EMC8: variants seen among roughly 807,000 people sequenced by gnomAD.
EMC8 encodes the protein ER membrane protein complex subunit 8, also known as COX4 neighbor.
EMC8 carries 11 observed loss-of-function variants against 24.3 expected under a neutral mutation model. The observed-to-expected ratio is 0.45, with a 90% CI of 0.28 to 0.75. The LOEUF (loss-of-function observed/expected upper bound fraction) is 0.75. Among genes scored for constraint, EMC8 ranks in the 30% least tolerant of loss-of-function variants. EMC8 has a pLI of 0.12. For missense variants in EMC8, 277 were observed against 282.7 expected (o/e 0.98, Z 0.14); for synonymous variants, 145 against 117.7 (o/e 1.23, Z -1.50).
intron 3 of EMC8, 92 bp downstream of exon 3, chr16:85,781,119 G>C (rs563235851): frequency 1.2e-6 from 1 of 839,834 alleles, no homozygotes; most frequent in East Asian, 2.5e-5. Context: ...ATGAGTGAAG[G>C]GGTTAGCGGA....
In EMC8 at chr16:85,780,268, T is replaced by G. The variant is rs1904425881; in HGVS notation, c.473+111A>C. 1.2e-5 allele frequency: 9 copies of G among 773,922 alleles called. 1 individual carries two copies. The highest frequency in any genetic ancestry group is 2.0e-5 in the Non-Finnish European group (9 of 452,634). 47.9% of individuals were successfully genotyped at this position (773,922 alleles called of 1,614,324 possible). On this transcript the variant is annotated intron_variant, in intron 4 of 4. Transcript: ENST00000253457. ...CAGGAGCCGGGGAATATGCTTGGTA[T>G]CATGCTTCTGGAGAAAACGCTAACT...
chr16:85,780,846 A>G, intron 3 of EMC8: 1 of 439,348 alleles, frequency 2.3e-6, no homozygotes, highest in South Asian at 2.5e-5. Context: ...TGCTTCTCAC[A>G]CTTGGCATGT....
intron 1 of EMC8, among the ~76,000 whole-genome samples, chr16:85,790,689 T>C (rs1331573464): frequency 1.3e-5 from 2 of 152,102 alleles, no homozygotes; most frequent in East Asian, 3.9e-4. Flanking sequence ...TGTCCTCCCC[T>C]AAGGTGACCC....
intron 1 of EMC8, among the ~76,000 whole-genome samples, chr16:85,794,613 TGA>T (rs1410953218): frequency 2.0e-5 from 3 of 152,222 alleles, no homozygotes; most frequent in African/African-American, 4.8e-5. Flanking sequence ...CGCTTGAACC[TGA>T]GAGGCCAAGG....
At chr16:85,797,964 G>C (rs9673638) in intron 1 of EMC8, among the ~76,000 whole-genome samples, 2 of 152,092 alleles carry the variant, frequency 1.3e-5, no homozygotes, top group Non-Finnish European at 2.9e-5. Flanking sequence ...GAACTGAAAA[G>C]CTACTGCCTA....
rs1237411610 is a variant in EMC8, at chr16:85,778,796, T to C, written c.*912A>G. The C allele has an allele frequency of 6.6e-6, 1 of 152,206 alleles. No homozygotes were observed. The highest frequency in any genetic ancestry group is 2.4e-5 in the African/African-American group (1 of 41,454). 9.4% of individuals were successfully genotyped at this position (152,206 alleles called of 1,614,324 possible). A position where few individuals can be genotyped will look rare whatever the true frequency, so the allele number is the denominator to read the frequency against. On this transcript the variant is annotated 3_prime_UTR_variant, in exon 5 of 5. Coordinates refer to ENST00000253457, the MANE Select transcript of EMC8 (RefSeq NM_006067.5). ...GTAGGAAAGGTACCGCTCTCTGAAC[T>C]TTGTACAAAATAATTCATATAAAAA...
intron 2 of EMC8, among the ~76,000 whole-genome samples, chr16:85,782,095 G>A (rs1904532396): frequency 6.6e-6 from 1 of 152,192 alleles, no homozygotes; most frequent in African/African-American, 2.4e-5. Context: ...GTGGAGAGTC[G>A]CCTGAAGCGG....
intron 4 of EMC8, 59 bp downstream of exon 4, chr16:85,780,320 T>C: frequency 8.0e-7 from 1 of 1,253,690 alleles, no homozygotes; most frequent in Non-Finnish European, 1.2e-6. Context: ...TGAGAGTGGC[T>C]CTCACGTGGC....
At chr16:85,791,078 T>C (rs1415485882) in intron 1 of EMC8, among the ~76,000 whole-genome samples, 1 of 152,136 alleles carries the variant, frequency 6.6e-6, no homozygotes, top group Non-Finnish European at 1.5e-5. Context: ...TCCTCCTGCC[T>C]TGGCCTCCCA....
At chr16:85,793,136 C>T (rs766191628) in intron 1 of EMC8, among the ~76,000 whole-genome samples, 2 of 152,216 alleles carry the variant, frequency 1.3e-5, no homozygotes, top group Non-Finnish European at 2.9e-5. Flanking sequence ...GCTGGGGCCA[C>T]CCCTTTCATT....
chr16:85,790,792 T>C (rs1479746349), intron 1 of EMC8, among the ~76,000 whole-genome samples: 2 of 152,176 alleles, frequency 1.3e-5, no homozygotes, highest in Non-Finnish European at 2.9e-5. Flanking sequence ...TAGTTTCCTA[T>C]TGCCCTTGTG....
intron 1 of EMC8, among the ~76,000 whole-genome samples, chr16:85,793,666 T>C (rs1056524154): frequency 1.3e-5 from 2 of 152,284 alleles, no homozygotes; most frequent in Admixed American, 1.3e-4. Flanking sequence ...GCAAGAATTC[T>C]AGCCTGAAAT....
Position 85,778,868 on chromosome 16 carries a change from G to A in EMC8, c.*840C>T, listed in dbSNP as rs1163169491. 2 of 152,200 alleles carry A rather than the reference G, an allele frequency of 1.3e-5. 1 individual carries two copies. Among genetic ancestry groups the A allele is most frequent in the African/African-American group, 4.8e-5 (2 of 41,448 alleles). 9.4% of individuals were successfully genotyped at this position (152,200 alleles called of 1,614,324 possible). ...TAAAGTTTCCCTCTCAATTCCCTAA[G>A]GTTTGGTTACAAAACTTGACCAAAT... On this transcript the variant is annotated 3_prime_UTR_variant, in exon 5 of 5. Transcript: ENST00000253457.
chr16:85,786,523 C>T (rs1381662194), intron 2 of EMC8, among the ~76,000 whole-genome samples: 1 of 152,164 alleles, frequency 6.6e-6, no homozygotes, highest in Non-Finnish European at 1.5e-5. Flanking sequence ...CACGGCATTA[C>T]CTACCTGAGG....
intron 1 of EMC8, among the ~76,000 whole-genome samples, chr16:85,795,614 A>G (rs78597404): frequency 0.054 from 8,233 of 152,188 alleles, 399 homozygotes; most frequent in East Asian, 0.27. Flanking sequence ...AGCTCCCATA[A>G]AAACCCAAGA....
At chr16:85,796,450 T>A (rs1191886554) in intron 1 of EMC8, among the ~76,000 whole-genome samples, 1 of 152,136 alleles carries the variant, frequency 6.6e-6, no homozygotes, top group East Asian at 1.9e-4. Flanking sequence ...TGTACTCCTG[T>A]CTCCAGCATC....
At chr16:85,789,721 G>C (rs915607930) in intron 1 of EMC8, among the ~76,000 whole-genome samples, 4 of 152,050 alleles carry the variant, frequency 2.6e-5, no homozygotes, top group Admixed American at 6.5e-5. Flanking sequence ...GAACCCCAGA[G>C]GGGGAGGTTG....
chr16:85,795,631 G>A (rs1905218008), intron 1 of EMC8, among the ~76,000 whole-genome samples: 2 of 152,304 alleles, frequency 1.3e-5, no homozygotes, highest in African/African-American at 2.4e-5. Flanking sequence ...AAGAGGACGG[G>A]GAGCTTCCAT....
intron 2 of EMC8, chr16:85,788,772 T>A: frequency 8.5e-6 from 5 of 587,914 alleles, no homozygotes; most frequent in South Asian, 8.2e-5. Flanking sequence ...CAAAACAGAA[T>A]TCCAAAGTTA....
Sources: gnomAD v4.1 joint callset for allele counts (sites outside exome capture counted in the v4.1 genomes callset) on GRCh38, gnomAD v4.1.1 for gene constraint, MANE v1.5 for transcripts, NCBI Gene and HGNC (gene_info 2026-07-23, HGNC 2026-07-21) for gene names.